The following KLHL22 variants were observed in gnomAD, a reference collection of about 807,000 sequenced individuals.
The protein encoded by KLHL22 is kelch like family member 22.
KLHL22 carries 18 observed loss-of-function variants against 60.7 expected under a neutral mutation model. That is an observed-to-expected ratio of 0.30 (90% CI 0.20 to 0.44). The LOEUF is 0.44. Ranked by LOEUF, KLHL22 falls within the 20% of genes least tolerant of loss-of-function variation. KLHL22 has a pLI of 1.00. For missense variants in KLHL22, 596 were observed against 852.3 expected (o/e 0.70, Z 3.74); for synonymous variants, 355 against 354.5 (o/e 1.00, Z -0.01).
chr22:20,470,751 C>A (rs2053306999), intron 3 of KLHL22, among the ~76,000 whole-genome samples: 1 of 130,112 alleles, frequency 7.7e-6, no homozygotes, highest in Non-Finnish European at 1.6e-5. Context: ...TGGATGCCTG[C>A]CACCATGGAT....
intron 1 of KLHL22, chr22:20,491,321 T>C (rs1252661274): frequency 6.6e-6 from 1 of 152,162 alleles, no homozygotes; most frequent in Non-Finnish European, 1.5e-5. Flanking sequence ...TGGCCATTGG[T>C]GATGAACTTA....
chr22:20,487,366 C>T (rs897931794), intron 2 of KLHL22, among the ~76,000 whole-genome samples: 2 of 148,682 alleles, frequency 1.3e-5, no homozygotes, highest in Non-Finnish European at 3.0e-5. Flanking sequence ...TACAGGCGCC[C>T]ACCACTACAC....
chr22:20,446,338 A>C (rs750468113), intron 6 of KLHL22, 105 bp downstream of exon 6: 1 of 756,378 alleles, frequency 1.3e-6, no homozygotes, highest in Non-Finnish European at 2.2e-6. Context: ...GCTCTAAAAA[A>C]TAGTCTATTT....
At chr22:20,493,333 G>T (rs2053719997) in intron 1 of KLHL22, 1 of 434,504 alleles carries the variant, frequency 2.3e-6, no homozygotes, top group African/African-American at 2.0e-5. Flanking sequence ...GCTGAAAAAT[G>T]AATCAATTCT....
At position 20,442,141 on chromosome 22, in the gene KLHL22, G is replaced by T; in HGVS notation, c.1837C>A (p.Pro613Thr). 1 of 1,539,754 alleles carries T rather than the reference G, an allele frequency of 6.5e-7. No individual in the cohort carries two copies. The highest frequency in any genetic ancestry group is 8.8e-7 in the Non-Finnish European group (1 of 1,141,800). ...RGTPDRSQAD[P>T]DFASEVMSVS... is the part of the protein sequence containing the mutation. ...CTCATCACCTCAGAGGCAAAGTCCGGGTCGGCCTGGCTGCGGTCAGGGGTC... is the reference window on the plus strand; with the variant it reads ...CTCATCACCTCAGAGGCAAAGTCCGTGTCGGCCTGGCTGCGGTCAGGGGTC... The change falls in exon 7 of 7, where the codon CCG becomes ACG. Residue 613 changes from proline (P) to threonine (T), a missense_variant. Physicochemically the swap from Pro to Thr is conservative, Grantham distance 38. Transcript: ENST00000328879.
chr22:20,483,468 C>T, intron 2 of KLHL22: 2 of 751,726 alleles, frequency 2.7e-6, no homozygotes, highest in South Asian at 1.3e-5. Context: ...GGTTCTTCTT[C>T]ATGAAGAGCA....
At chr22:20,493,687 C>A (rs540290329) in intron 1 of KLHL22, among the ~76,000 whole-genome samples, 24 of 151,996 alleles carry the variant, frequency 1.6e-4, no homozygotes, top group African/African-American at 5.8e-4. Flanking sequence ...GAGGCTGAGG[C>A]AGGAGAATCA....
At position 20,448,058 on chromosome 22, in the gene KLHL22, C is replaced by T. The variant is rs576023136; in HGVS notation, c.1306-1382G>A. ...GGGCTGCCCTTTAGGGTGACATCCA[C>T]TCACCTCCCTTACCCTAATCCCTTC... On this transcript the variant is annotated intron_variant, in intron 5 of 6. Coordinates refer to ENST00000328879, the MANE Select transcript of KLHL22 (RefSeq NM_032775.4). 4.6e-5 allele frequency among the ~76,000 whole-genome samples: 7 copies of T among 152,298 alleles called. No individual in the cohort carries two copies. In the South Asian group the frequency reaches 1.2e-3, roughly 27 times the overall value.
At chr22:20,451,225 G>C in intron 5 of KLHL22, 1 of 1,599,906 alleles carries the variant, frequency 6.3e-7, no homozygotes, top group African/African-American at 1.3e-5. Context: ...TGTCTGATGA[G>C]GTCTTGCTGG....
At chr22:20,467,846 G>T (rs1033250187) in intron 3 of KLHL22, among the ~76,000 whole-genome samples, 12 of 152,152 alleles carry the variant, frequency 7.9e-5, no homozygotes, top group African/African-American at 2.9e-4. Context: ...TTTTAGTAGA[G>T]ACGGGGTTTC....
intron 6 of KLHL22, among the ~76,000 whole-genome samples, chr22:20,443,501 G>A (rs2052799709): frequency 6.6e-6 from 1 of 152,172 alleles, no homozygotes; most frequent in South Asian, 2.1e-4. Context: ...AGCACTTTGG[G>A]AGGCCAAGGC....
In KLHL22 at chr22:20,465,643, T is replaced by C. The variant is rs1481445747; in HGVS notation, c.394-67A>G. On this transcript the variant is annotated intron_variant, in intron 3 of 6. Transcript: ENST00000328879. This position sits in a 1 kb window ranked among gnomAD's most constrained non-coding sequence, Gnocchi z 4.9. Reference sequence around the variant, plus strand: ...CAGCATCTGGGGGTGGGAGAGAGAATGATGGCAGAAATACGGGCTGTTGTG... The same window carrying C: ...CAGCATCTGGGGGTGGGAGAGAGAACGATGGCAGAAATACGGGCTGTTGTG... 2.4e-6 allele frequency: 2 copies of C among 834,766 alleles called. No homozygotes were observed. The highest frequency in any genetic ancestry group is 4.2e-6 in the Non-Finnish European group (2 of 471,948). 51.7% of individuals were successfully genotyped at this position (834,766 alleles called of 1,614,324 possible). A position where few individuals can be genotyped will look rare whatever the true frequency, so the allele number is the denominator to read the frequency against.
chr22:20,464,602 A>G (rs2053202070), intron 4 of KLHL22, among the ~76,000 whole-genome samples: 1 of 152,068 alleles, frequency 6.6e-6, no homozygotes, highest in Non-Finnish European at 1.5e-5. Context: ...AGCCTACCCC[A>G]AAGAGGCTGA....
At chr22:20,486,532 T>C (rs1010490624) in intron 2 of KLHL22, among the ~76,000 whole-genome samples, 2 of 152,162 alleles carry the variant, frequency 1.3e-5, no homozygotes, top group Non-Finnish European at 2.9e-5. Flanking sequence ...TGCCCTTCTC[T>C]CTACCCTTGC....
chr22:20,456,423 A>T (rs965313927), intron 5 of KLHL22: 2 of 152,224 alleles, frequency 1.3e-5, no homozygotes, highest in Admixed American at 1.3e-4. Flanking sequence ...TTGAAAGCCA[A>T]GGCTGCCCCT....
intron 5 of KLHL22, among the ~76,000 whole-genome samples, chr22:20,449,356 G>A (rs972662949): frequency 1.3e-5 from 2 of 151,470 alleles, no homozygotes; most frequent in African/African-American, 2.4e-5. Flanking sequence ...CACCGTGCCC[G>A]GCTTCTTTTG....
intron 5 of KLHL22, among the ~76,000 whole-genome samples, chr22:20,457,534 T>C (rs942343400): frequency 6.6e-6 from 1 of 152,058 alleles, no homozygotes; most frequent in Non-Finnish European, 1.5e-5. Context: ...GCCAAGGTGG[T>C]GTGACAAGGT....
At chr22:20,445,763 GT>G (rs894174675) in intron 6 of KLHL22, among the ~76,000 whole-genome samples, 9 of 147,648 alleles carry the variant, frequency 6.1e-5, no homozygotes, top group African/African-American at 2.1e-4. Context: ...TTTTGTTGTT[GT>G]TTTTTTTTGT....
Position 20,441,985 on chromosome 22 carries a change from T to C in KLHL22, c.*88A>G. On this transcript the variant is annotated 3_prime_UTR_variant, in exon 7 of 7. Transcript: ENST00000328879. ...GGCCAACAGGGGCAGGGGCCCTGCC[T>C]GGAGTAAAGTGCTCTGGCCTAGGCT... The C allele has an allele frequency of 7.4e-7, 1 of 1,351,218 alleles. No homozygotes were observed. The highest frequency in any genetic ancestry group is 9.8e-7 in the Non-Finnish European group (1 of 1,018,594). 83.7% of individuals were successfully genotyped at this position (1,351,218 alleles called of 1,614,324 possible). A position where few individuals can be genotyped will look rare whatever the true frequency, so the allele number is the denominator to read the frequency against.
Sources: gnomAD v4.1 joint callset for allele counts (sites outside exome capture counted in the v4.1 genomes callset) on GRCh38, gnomAD v4.1.1 for gene constraint, Gnocchi (gnomAD v3.1) non-coding constraint, MANE v1.5 for transcripts, NCBI Gene and HGNC (gene_info 2026-07-23, HGNC 2026-07-21) for gene names.